Variants in CR1 observed in about 807,000 individuals in gnomAD.
The protein encoded by CR1 is complement C3b/C4b receptor 1 (Knops blood group).
A neutral mutation model predicts 187.3 loss-of-function variants in CR1; 116 were observed. The ratio of observed to expected loss-of-function variants is 0.62; its 90% CI spans 0.53 to 0.72. CR1 has a LOEUF of 0.72. CR1 is among the 30% of genes least tolerant of loss of function. CR1 has a pLI of 0.00. For missense variants in CR1, 1,731 were observed against 2,110.7 expected, an observed-to-expected ratio of 0.82 and a Z score of 3.52; for synonymous variants, 576 against 747.1, an observed-to-expected ratio of 0.77 and a Z score of 3.73.
chr1:207,514,193 C>T (rs1162289858), intron 4 of CR1, among the ~76,000 whole-genome samples: 1 of 152,086 alleles, frequency 6.6e-6, no homozygotes, highest in Non-Finnish European at 1.5e-5. Context: ...TAAATCAACT[C>T]AGTCATAATA....
intron 35 of CR1, among the ~76,000 whole-genome samples, chr1:207,600,039 G>T (rs893100188): frequency 1.3e-5 from 2 of 152,122 alleles, no homozygotes; most frequent in Admixed American, 6.6e-5. Flanking sequence ...TTTCAATTTT[G>T]CAGACCATGC....
rs1428522016 is a variant in CR1 at position 207,572,894 on chromosome 1, C to T, written c.4452-2701C>T. On this transcript the variant is annotated intron_variant, in intron 27 of 46. Transcript: ENST00000367049. ...TCATATGGCCATCTTCCCTCTGGGT[C>T]TGTGTCCTCATATGCTGTTCTCTCT... is the stretch of plus-strand genomic sequence containing the variant. Among the ~76,000 whole-genome samples the T allele has an allele frequency of 2.0e-5, 3 of 150,584 alleles. No individual in the cohort carries two copies. In the East Asian group the frequency reaches 5.8e-4, roughly 29 times the overall value.
At chr1:207,596,506 C>T (rs1231302710) in intron 35 of CR1, among the ~76,000 whole-genome samples, 2 of 151,676 alleles carry the variant, frequency 1.3e-5, no homozygotes, top group African/African-American at 2.4e-5. Context: ...CCCAGCTACT[C>T]GGGAGGCTGA....
Position 207,566,290 on chromosome 1 carries a change from C to G in CR1, c.3952+367C>G, listed in dbSNP as rs533526855. On this transcript the variant is annotated intron_variant, in intron 24 of 46. Transcript: ENST00000367049. ...TTTCTTCCCTTCTTCTCTCCTTCTCCCCTTTCTTCTTTCCTTCCTCCCTTC... is the reference window on the plus strand; with the variant it reads ...TTTCTTCCCTTCTTCTCTCCTTCTCGCCTTTCTTCTTTCCTTCCTCCCTTC... Among the ~76,000 whole-genome samples, 7 of 149,384 alleles carry G rather than the reference C, an allele frequency of 4.7e-5. No homozygotes were observed. In the South Asian group the frequency reaches 1.5e-3, roughly 31 times the overall value.
At chr1:207,617,610 TATAGAGAGAGAGAGAGAGAGAGAGAGAG>T (rs1251953526) in intron 41 of CR1, among the ~76,000 whole-genome samples, 39 of 9,304 alleles carry the variant, frequency 4.2e-3, no homozygotes, top group Middle Eastern at 0.062. Flanking sequence ...TATATATATA[TATAGAGAGAGAGAGAGAGAGAGAGAGAG>T]AGAGAGAGAG....
chr1:207,519,818 G>GC (rs138512884), intron 4 of CR1, among the ~76,000 whole-genome samples: 29,211 of 152,054 alleles, frequency 0.19, 3,124 homozygotes, highest in South Asian at 0.43. Flanking sequence ...TACAGAAACA[G>GC]CCGATTGGTT....
At chr1:207,565,702 A>G in intron 23 of CR1, 136 bp from the exon 24 acceptor site, 3 of 1,145,020 alleles carry the variant, frequency 2.6e-6, no homozygotes, top group Non-Finnish European at 3.8e-6. Flanking sequence ...TTTCCAGAAT[A>G]AGGTAGCCTG....
At chr1:207,596,564 A>T (rs1410336679) in intron 35 of CR1, among the ~76,000 whole-genome samples, 1 of 152,054 alleles carries the variant, frequency 6.6e-6, no homozygotes, top group Non-Finnish European at 1.5e-5. Context: ...CAGTGAGCCG[A>T]GATGGTGCCA....
chr1:207,509,734 G>A (rs1260178001), intron 3 of CR1, among the ~76,000 whole-genome samples: 7 of 152,174 alleles, frequency 4.6e-5, no homozygotes, highest in African/African-American at 1.4e-4. Flanking sequence ...TAACCTCAGT[G>A]GGGTCAAAAG....
chr1:207,596,803 T>A (rs1360799793), intron 35 of CR1, among the ~76,000 whole-genome samples: 2 of 147,800 alleles, frequency 1.4e-5, no homozygotes, highest in South Asian at 2.1e-4. Flanking sequence ...AATATATATA[T>A]AATATAACAT....
At chr1:207,617,638 G>T (rs867119620) in intron 41 of CR1, among the ~76,000 whole-genome samples, 9 of 89,428 alleles carry the variant, frequency 1.0e-4, no homozygotes, top group Non-Finnish European at 1.6e-4. Flanking sequence ...GAGAGAGAGA[G>T]AGAGAGAGAG....
At chr1:207,598,850 A>G (rs1015038104) in intron 35 of CR1, 3 of 152,260 alleles carry the variant, frequency 2.0e-5, no homozygotes, top group Non-Finnish European at 4.4e-5. Flanking sequence ...TCTTACCTAA[A>G]GAACTGTCTC....
At chr1:207,623,429 C>T (rs1437748642) in intron 45 of CR1, among the ~76,000 whole-genome samples, 1 of 151,830 alleles carries the variant, frequency 6.6e-6, no homozygotes, top group African/African-American at 2.4e-5. Context: ...TAAACATACA[C>T]AAAATTAGCT....
chr1:207,523,465 A>C (rs1660060330), intron 4 of CR1, 146 bp from the exon 5 acceptor site: 6 of 1,395,404 alleles, frequency 4.3e-6, no homozygotes, highest in Non-Finnish European at 5.8e-6. Context: ...CATTGAAGCT[A>C]CAACTTTATA....
chr1:207,633,152 T>A (rs1374084463), intron 46 of CR1, among the ~76,000 whole-genome samples: 1 of 152,208 alleles, frequency 6.6e-6, no homozygotes, highest in African/African-American at 2.4e-5. Flanking sequence ...TGAACCCAGC[T>A]CCAGCTCTGA....
intron 45 of CR1, among the ~76,000 whole-genome samples, chr1:207,629,850 C>A (rs947938855): frequency 6.6e-6 from 1 of 152,158 alleles, no homozygotes; most frequent in Non-Finnish European, 1.5e-5. Context: ...CTCTATGAGA[C>A]CCTGAGCAAG....
chr1:207,618,306 G>T, intron 42 of CR1, 59 bp downstream of exon 42: 1 of 1,499,106 alleles, frequency 6.7e-7, no homozygotes, highest in Non-Finnish European at 9.2e-7. Context: ...CATGAGGCTT[G>T]TAAGGCTGAG....
chr1:207,602,702 T>C lies in CR1; in HGVS notation c.5811-4549T>C, dbSNP rs551223944. Among the ~76,000 whole-genome samples, 5 of 152,148 alleles carry C rather than the reference T, an allele frequency of 3.3e-5. No homozygotes were observed. The South Asian group carries it at 1.0e-3, about 32-fold the overall frequency. Reference sequence around the variant, plus strand: ...ATTTAGAGAGATATACATATAGATATAGATAGAGAGAGAGAGAAGGCAAAT... The same window carrying C: ...ATTTAGAGAGATATACATATAGATACAGATAGAGAGAGAGAGAAGGCAAAT... On this transcript the variant is annotated intron_variant, in intron 35 of 46. Transcript: ENST00000367049.
Position 207,609,328 on chromosome 1 carries a change from G to A in CR1, c.5935G>A (p.Asp1979Asn). 1 of 1,613,882 alleles carries A rather than the reference G, an allele frequency of 6.2e-7. No individual in the cohort carries two copies. The highest frequency in any genetic ancestry group is 8.5e-7 in the Non-Finnish European group (1 of 1,179,836). ...GCCACCTCCAACCATATCCAATGGA[G>A]ACTTCTACAGCAACAATAGAACATC... ...CEPPPTISNG[D>N]FYSNNRTSFH... The change falls in exon 37 of 47, where the codon GAC (aspartate) becomes AAC (asparagine). Residue 1979 changes from aspartate (D) to asparagine (N), a missense_variant. Asp to Asn is a conservative substitution (Grantham distance 23). Transcript: ENST00000367049.
Sources: gnomAD v4.1 joint callset for allele counts (sites outside exome capture counted in the v4.1 genomes callset) on GRCh38, gnomAD v4.1.1 for gene constraint, MANE v1.5 for transcripts, NCBI Gene and HGNC (gene_info 2026-07-23, HGNC 2026-07-21) for gene names.